Variants in C1orf21 observed in about 807,000 individuals in gnomAD.
The protein encoded by C1orf21 is chromosome 1 open reading frame 21, also known as uncharacterized protein C1orf21.
A neutral mutation model predicts 18.7 loss-of-function variants in C1orf21; 3 were observed. That is an observed-to-expected ratio of 0.16 (90% confidence interval 0.07 to 0.42). The LOEUF is 0.42. Ranked by LOEUF, C1orf21 falls within the 10% of genes least tolerant of loss-of-function variation. C1orf21 has a pLI of 0.99. For synonymous variants in C1orf21, 41 were observed against 46.4 expected, an observed-to-expected ratio of 0.88 and a Z score of 0.47; for missense variants, 104 against 143.6, an observed-to-expected ratio of 0.72 and a Z score of 1.41.
intron 1 of C1orf21, among the ~76,000 whole-genome samples, chr1:184,458,852 C>G (rs1657261121): frequency 6.6e-6 from 1 of 152,092 alleles, no homozygotes; most frequent in African/African-American, 2.4e-5. Context: ...TAAATTAACT[C>G]TTGAATAAAT....
intron 5 of C1orf21, among the ~76,000 whole-genome samples, chr1:184,608,115 A>G (rs760562959): frequency 1.3e-5 from 2 of 152,196 alleles, no homozygotes; most frequent in Non-Finnish European, 2.9e-5. Context: ...GGAATGAGAA[A>G]TGGGTGGTAG....
chr1:184,395,424 C>T (rs1364692106), intron 1 of C1orf21, among the ~76,000 whole-genome samples: 1 of 151,980 alleles, frequency 6.6e-6, no homozygotes, highest in Non-Finnish European at 1.5e-5. Flanking sequence ...CCTTTGTTGG[C>T]CAGGGTTAAG....
At chr1:184,469,100 G>A (rs60109296) in intron 1 of C1orf21, among the ~76,000 whole-genome samples, 20,255 of 149,708 alleles carry the variant, frequency 0.14, 1,794 homozygotes, top group African/African-American at 0.26. Context: ...GAAAAAAAAA[G>A]TCAGCCAGGC....
At position 184,608,525 on chromosome 1, in the gene C1orf21, AG is replaced by A. The variant is rs1659683706; in HGVS notation, c.327+10065del. Among the ~76,000 whole-genome samples the A allele has an allele frequency of 2.0e-5, 3 of 152,250 alleles. No individual in the cohort carries two copies. In the South Asian group the frequency reaches 6.2e-4, roughly 31 times the overall value. ...CTCTGATAGTCATGGCCACAGATGC[AG>A]TTGAATTGCCTGACCTCTATTAATT... is the stretch of plus-strand genomic sequence containing the variant. On this transcript the variant is annotated intron_variant, in intron 5 of 5. Transcript: ENST00000235307.
At chr1:184,541,232 A>C (rs1307704262) in intron 3 of C1orf21, among the ~76,000 whole-genome samples, 1 of 152,226 alleles carries the variant, frequency 6.6e-6, no homozygotes, top group Non-Finnish European at 1.5e-5. Flanking sequence ...TGAAGGTAGC[A>C]GTACAGATGA....
At chr1:184,413,026 A>G (rs1656380003) in intron 1 of C1orf21, among the ~76,000 whole-genome samples, 1 of 152,178 alleles carries the variant, frequency 6.6e-6, no homozygotes, top group Admixed American at 6.5e-5. Flanking sequence ...ATTGTGAGAC[A>G]CCACGTTTTA....
rs1209876966 is a variant in C1orf21 at position 184,590,723 on chromosome 1, T to C, written c.190-16T>C. ...TCTAATCCTGTCTTTCACATGTCTGTGTTTATGTGTTTCAGGAAAAAAGTG... is the reference window on the plus strand; with the variant it reads ...TCTAATCCTGTCTTTCACATGTCTGCGTTTATGTGTTTCAGGAAAAAAGTG... On this transcript the variant is annotated splice_polypyrimidine_tract_variant and intron_variant, in intron 3 of 5. Transcript: ENST00000235307. 6.2e-7 allele frequency: 1 copy of C among 1,600,456 alleles called. No homozygotes were observed. Among genetic ancestry groups the C allele is most frequent in the Non-Finnish European group, 8.6e-7 (1 of 1,167,680 alleles).
intron 1 of C1orf21, among the ~76,000 whole-genome samples, chr1:184,409,496 T>C (rs900093041): frequency 6.6e-6 from 1 of 152,104 alleles, no homozygotes; most frequent in African/African-American, 2.4e-5. Flanking sequence ...TAATGGATCT[T>C]GGAAAATTAA....
At chr1:184,601,768 G>A (rs1412728030) in intron 5 of C1orf21, among the ~76,000 whole-genome samples, 4 of 152,048 alleles carry the variant, frequency 2.6e-5, no homozygotes, top group Admixed American at 2.0e-4. Flanking sequence ...GGGCGTGGTG[G>A]CACACGCCTG....
intron 1 of C1orf21, among the ~76,000 whole-genome samples, chr1:184,389,845 C>G (rs1571336269): frequency 6.6e-6 from 1 of 152,168 alleles, no homozygotes; most frequent in African/African-American, 2.4e-5. Flanking sequence ...TCCAATAGGG[C>G]AGGAGAAGGC....
At chr1:184,502,497 A>C (rs1657991284) in intron 2 of C1orf21, among the ~76,000 whole-genome samples, 1 of 151,430 alleles carries the variant, frequency 6.6e-6, no homozygotes, top group Non-Finnish European at 1.5e-5. Flanking sequence ...AGGGCTTTTC[A>C]TTTCTTTTTT....
chr1:184,542,107 A>C (rs1658660748), intron 3 of C1orf21, among the ~76,000 whole-genome samples: 1 of 152,132 alleles, frequency 6.6e-6, no homozygotes, highest in African/African-American at 2.4e-5. Flanking sequence ...ACTTGTTGGG[A>C]AGATCATCAG....
rs1159967283 is a variant in C1orf21 at position 184,460,617 on chromosome 1, GTCGTCTTCT to G, written c.-124-16766_-124-16758del. Among the ~76,000 whole-genome samples, 1,110 of 116,346 alleles carry G rather than the reference GTCGTCTTCT, an allele frequency of 9.5e-3. 9 individuals are homozygous for G. The highest frequency in any genetic ancestry group is 0.027 in the African/African-American group (765 of 27,850). The allele number at this position is 116,346 out of a possible 152,430, so 76.3% of individuals were successfully genotyped here. On this transcript the variant is annotated intron_variant, in intron 1 of 5. Coordinates refer to ENST00000235307, the MANE Select transcript of C1orf21 (RefSeq NM_030806.4). ...GAGTTGGGCTGTTAGTATTGTCGTC[GTCGTCTTCT>G]TCTTCTTCTTCTTCTTCTTCTTCTT...
rs187301555 is a variant in C1orf21 at position 184,450,165 on chromosome 1, C to T, written c.-124-27221C>T. Among the ~76,000 whole-genome samples the T allele has an allele frequency of 3.6e-4, 55 of 152,172 alleles. No homozygotes were observed. In the East Asian group the frequency reaches 0.01, roughly 28 times the overall value. ...AGGTGTGGGGTCACCTTGTAGAGTG[C>T]TTGCATGAAGGGCTTGTTACTCAAG... On this transcript the variant is annotated intron_variant, in intron 1 of 5. Transcript: ENST00000235307.
At chr1:184,480,231 C>A (rs1483367585) in intron 2 of C1orf21, among the ~76,000 whole-genome samples, 1 of 152,096 alleles carries the variant, frequency 6.6e-6, no homozygotes, top group Non-Finnish European at 1.5e-5. Context: ...TCAATCTAAA[C>A]TGGAAAAGGA....
chr1:184,579,903 G>A (rs1011143994), intron 3 of C1orf21, among the ~76,000 whole-genome samples: 2 of 152,174 alleles, frequency 1.3e-5, no homozygotes, highest in African/African-American at 4.8e-5. Context: ...GGACTGTAGG[G>A]TGGATGCCTA....
chr1:184,614,036 G>A lies in C1orf21; in HGVS notation c.328-5482G>A, dbSNP rs79460413. Among the ~76,000 whole-genome samples the A allele has an allele frequency of 5.5e-3, 837 of 152,254 alleles. 11 individuals carry two copies. The highest frequency in any genetic ancestry group is 0.019 in the African/African-American group (791 of 41,542). ...AATAAAAATAAAGAGATGGGAGCAG[G>A]AGAAGCCAGCCAGGACAGAGTGAGA... On this transcript the variant is annotated intron_variant, in intron 5 of 5. Coordinates refer to ENST00000235307, the MANE Select transcript of C1orf21 (RefSeq NM_030806.4).
chr1:184,407,439 A>C (rs538712284), intron 1 of C1orf21, among the ~76,000 whole-genome samples: 1 of 152,360 alleles, frequency 6.6e-6, no homozygotes, highest in African/African-American at 2.4e-5. Context: ...GTAACATGTA[A>C]TGTGAAAAAC....
intron 5 of C1orf21, among the ~76,000 whole-genome samples, chr1:184,618,186 G>A (rs553551076): frequency 1.3e-5 from 2 of 152,146 alleles, no homozygotes; most frequent in Non-Finnish European, 2.9e-5. Flanking sequence ...CGGGATTACA[G>A]GCGTGAGCCA....
Sources: gnomAD v4.1 joint callset for allele counts (sites outside exome capture counted in the v4.1 genomes callset) on GRCh38, gnomAD v4.1.1 for gene constraint, MANE v1.5 for transcripts, NCBI Gene and HGNC (gene_info 2026-07-23, HGNC 2026-07-21) for gene names.